Variants in RTP1 observed in about 807,000 individuals in gnomAD.
RTP1 encodes receptor transporter protein 1.
In RTP1, 24 loss-of-function variants were observed where a neutral mutation model predicts 27.1. The observed-to-expected ratio is 0.89, with a 90% CI of 0.64 to 1.25. RTP1 has a LOEUF of 1.25. RTP1 is among the 50% of genes most tolerant of loss of function. The pLI, the probability that RTP1 is intolerant of heterozygous loss-of-function variation, is 0.00. For synonymous variants in RTP1, 148 were observed against 148.1 expected, an observed-to-expected ratio of 1.00 and a Z score of 0.00; for missense variants, 338 against 351.6, an observed-to-expected ratio of 0.96 and a Z score of 0.31.
chr3:187,198,092 C>T (rs1579440656), intron 1 of RTP1: 1 of 285,482 alleles, frequency 3.5e-6, no homozygotes, highest in East Asian at 6.3e-5. Flanking sequence ...TACATATTTT[C>T]TATTTTAACA....
rs750301551 is a variant in RTP1 at position 187,199,914 on chromosome 3, G to A, written c.636G>A (p.Ala212=). The stretch of plus-strand genomic sequence containing the variant: ...GCGAGAAGCTGCTGGAGGAGGAGGC[G>A]ACCACCTACACCTTCTCCCGGGCGC... ...KPSEKLLEEE[A]TTYTFSRAPS... Residue 212 remains alanine (A), a synonymous_variant, in exon 2 of 2, where the codon GCG becomes GCA. Transcript: ENST00000312295. The A allele has an allele frequency of 2.4e-5, 39 of 1,592,560 alleles. No individual in the cohort carries two copies. The highest frequency in any genetic ancestry group is 1.2e-4 in the South Asian group (11 of 88,288).
Position 187,197,741 on chromosome 3 carries a change from C to T in RTP1, c.226C>T (p.Leu76=), listed in dbSNP as rs1721629008. The T allele has an allele frequency of 6.2e-7, 1 of 1,614,174 alleles. No homozygotes were observed. Among genetic ancestry groups the T allele is most frequent in the Admixed American group, 1.7e-5 (1 of 60,028 alleles). Residue 76 remains leucine, a synonymous_variant, in exon 1 of 2, where the codon CTG becomes TTG. Transcript: ENST00000312295. ...IIDPNLKHNV[L]SPGWKQYLEL... ...AGACCCCAACCTCAAGCACAATGTG[C>T]TGAGCCCTGGTTGGAAGCAGTACCT...
At chr3:187,198,369 C>T (rs1721640754) in intron 1 of RTP1, among the ~76,000 whole-genome samples, 1 of 152,228 alleles carries the variant, frequency 6.6e-6, no homozygotes, top group Non-Finnish European at 1.5e-5. Flanking sequence ...GCAGGATCGG[C>T]ATCACCTGGA....
intron 1 of RTP1, 24 bp from the exon 2 acceptor site, chr3:187,199,527 C>T: frequency 6.4e-7 from 1 of 1,561,952 alleles, no homozygotes. Flanking sequence ...TCTTCTATTC[C>T]TCCCTCTCCT....
chr3:187,200,045 A>C lies in RTP1; in HGVS notation c.767A>C (p.Gln256Pro), dbSNP rs1442460041. The change falls in exon 2 of 2, where the codon CAG (glutamine) becomes CCG (proline). Residue 256 changes from glutamine (Q) to proline (P), a missense_variant. Physicochemically the swap from Gln to Pro is moderately conservative, Grantham distance 76. Transcript: ENST00000312295. ...GTCCTGCTGCTGATCATCTACCTGC[A>C]GTTCTCTTTCCGTAGCTCCGTATAA... ...ATVLLLIIYL[Q>P]FSFRSSV is the part of the protein sequence containing the mutation. 4 of 1,515,912 alleles carry C rather than the reference A, an allele frequency of 2.6e-6. No individual in the cohort carries two copies. In the East Asian group the frequency reaches 9.1e-5, roughly 35 times the overall value. The allele number at this position is 1,515,912 out of a possible 1,614,324, so 93.9% of individuals were successfully genotyped here.
In RTP1 at chr3:187,200,425, A is replaced by G. The variant is rs11714564; in HGVS notation, c.*355A>G. On this transcript the variant is annotated 3_prime_UTR_variant, in exon 2 of 2. Coordinates refer to ENST00000312295, the MANE Select transcript of RTP1 (RefSeq NM_153708.3). ...CGATCAGAACAGCTTTACTTTAGAT[A>G]GGGTTCCATTTAAGATTTTTGTACC... The G allele has an allele frequency of 0.16, 27,113 of 164,350 alleles. 2,508 individuals carry two copies. The highest frequency in any genetic ancestry group is 0.22 in the African/African-American group (8,811 of 40,242). 10.2% of individuals were successfully genotyped at this position (164,350 alleles called of 1,614,324 possible).
chr3:187,197,565 C>T lies in RTP1; in HGVS notation c.50C>T (p.Pro17Leu). Reference protein sequence around the residue: ...WRLRCPALHLPSLSVFSLRWK... With the variant: ...WRLRCPALHLLSLSVFSLRWK... ...CTGCGCTGCCCTGCCCTGCACCTAC[C>T]CTCACTCTCCGTGTTCTCACTAAGG... The change falls in exon 1 of 2, where the codon CCC becomes CTC. Residue 17 changes from proline to leucine, a missense_variant. Coordinates refer to ENST00000312295, the MANE Select transcript of RTP1 (RefSeq NM_153708.3). The T allele has an allele frequency of 6.2e-7, 1 of 1,614,148 alleles. No individual in the cohort carries two copies. The highest frequency in any genetic ancestry group is 8.5e-7 in the Non-Finnish European group (1 of 1,180,012).
In RTP1 at chr3:187,197,576, G is replaced by A. The variant is rs945229753; in HGVS notation, c.61G>A (p.Val21Met). The change falls in exon 1 of 2, where the codon GTG becomes ATG. Residue 21 changes from valine (V) to methionine (M), a missense_variant. By Grantham distance (21) the Val-to-Met change is conservative. Coordinates refer to ENST00000312295, the MANE Select transcript of RTP1 (RefSeq NM_153708.3). Reference protein sequence around the residue: ...CPALHLPSLSVFSLRWKLPSL... With the variant: ...CPALHLPSLSMFSLRWKLPSL... ...TGCCCTGCACCTACCCTCACTCTCC[G>A]TGTTCTCACTAAGGTGGAAATTGCC... is the stretch of plus-strand genomic sequence containing the variant. The A allele has an allele frequency of 4.3e-6, 7 of 1,614,036 alleles. No homozygotes were observed. The highest frequency in any genetic ancestry group is 2.2e-5 in the East Asian group (1 of 44,894).
chr3:187,197,805 G>T lies in RTP1; in HGVS notation c.272+18G>T. Reference sequence around the variant, plus strand: ...TCAGGCAGGTGAGTAGCCCAGGAAGGTGGATCCCTGCAGGCCGCCTCTAGG... The same window carrying T: ...TCAGGCAGGTGAGTAGCCCAGGAAGTTGGATCCCTGCAGGCCGCCTCTAGG... On this transcript the variant is annotated intron_variant, in intron 1 of 1. Coordinates refer to ENST00000312295, the MANE Select transcript of RTP1 (RefSeq NM_153708.3). 6.2e-7 allele frequency: 1 copy of T among 1,605,986 alleles called. No individual in the cohort carries two copies. The highest frequency in any genetic ancestry group is 1.1e-5 in the South Asian group (1 of 90,674).
In RTP1 at chr3:187,197,649, A is replaced by G. The variant is rs1017742395; in HGVS notation, c.134A>G (p.Glu45Gly). 2 of 1,614,164 alleles carry G rather than the reference A, an allele frequency of 1.2e-6. No individual in the cohort carries two copies. The highest frequency in any genetic ancestry group is 1.7e-6 in the Non-Finnish European group (2 of 1,180,042). Residue 45 changes from glutamate to glycine, a missense_variant, in exon 1 of 2, where the codon GAG (glutamate) becomes GGG (glycine). This residue lies in a region of RTP1 where 64 missense variants were observed against 74.5 expected (regional missense o/e 0.86). Transcript: ENST00000312295. ...ATGTGTAAAAGCGTGACCACAGATG[A>G]GTGGAAGAAAGTCTTCTATGAGAAG... The part of the protein sequence containing the change: ...ETMCKSVTTD[E>G]WKKVFYEKME...
chr3:187,199,401 TG>T, intron 1 of RTP1, 149 bp from the exon 2 acceptor site: 1 of 797,154 alleles, frequency 1.3e-6, no homozygotes, highest in Non-Finnish European at 2.0e-6. Flanking sequence ...AGTGGCTTCC[TG>T]GGGAAAGCTA....
intron 1 of RTP1, among the ~76,000 whole-genome samples, chr3:187,198,345 T>C (rs1323730203): frequency 6.6e-6 from 1 of 152,238 alleles, no homozygotes; most frequent in East Asian, 1.9e-4. Context: ...GGTTAGCCTG[T>C]GGTCCACAGA....
intron 1 of RTP1, 108 bp from the exon 2 acceptor site, chr3:187,199,443 T>C: frequency 7.8e-7 from 1 of 1,289,490 alleles, no homozygotes; most frequent in Admixed American, 2.3e-5. Flanking sequence ...ACACACTTCC[T>C]CCACCTCCAG....
chr3:187,199,286 G>A, intron 1 of RTP1: 3 of 461,492 alleles, frequency 6.5e-6, no homozygotes, highest in Non-Finnish European at 1.2e-5. Context: ...ATGCTGGGGT[G>A]GTGGGAGTTA....
At chr3:187,198,935 G>C (rs968665650) in intron 1 of RTP1, among the ~76,000 whole-genome samples, 5 of 152,166 alleles carry the variant, frequency 3.3e-5, no homozygotes, top group Admixed American at 1.3e-4. Flanking sequence ...GGAAGGCTGT[G>C]GGGGCTGAGT....
rs1218331492 is a variant in RTP1, at chr3:187,199,725, C to A, written c.447C>A (p.Asn149Lys). ...ACGAGTCCAGCATGCTGGAGGAGAA[C>A]ATCGAGGGCCTGGTGGACAACCTCA... ...RLDESSMLEE[N>K]IEGLVDNLIT... is the part of the protein sequence containing the mutation. The change falls in exon 2 of 2, where the codon AAC (asparagine) becomes AAA (lysine). Residue 149 changes from asparagine to lysine, a missense_variant. Physicochemically the swap from Asn to Lys is moderately conservative, Grantham distance 94. This residue lies in a region of RTP1 where 252 missense variants were observed against 231.5 expected (regional missense o/e 1.09). Coordinates refer to ENST00000312295, the MANE Select transcript of RTP1 (RefSeq NM_153708.3). 8.1e-6 allele frequency: 13 copies of A among 1,612,926 alleles called. No individual in the cohort carries two copies. Among genetic ancestry groups the A allele is most frequent in the Middle Eastern group, 1.6e-4 (1 of 6,082 alleles).
intron 1 of RTP1, chr3:187,198,554 G>C (rs985197854): frequency 1.3e-5 from 2 of 152,186 alleles, no homozygotes; most frequent in African/African-American, 4.8e-5. Flanking sequence ...GGGAGGCTGA[G>C]TGGTGCAGCC....
chr3:187,199,866 G>A lies in RTP1; in HGVS notation c.588G>A (p.Glu196=), dbSNP rs1346421059. 6.3e-7 allele frequency: 1 copy of A among 1,598,638 alleles called. No individual in the cohort carries two copies. Among genetic ancestry groups the A allele is most frequent in the East Asian group, 2.3e-5 (1 of 44,424 alleles). ...GAGAGTTCTGCGAGGCCTGCCAGGA[G>A]GGCATCGTGCACTGGAAGCCCAGCG... is the stretch of plus-strand genomic sequence containing the variant. ...HRGEFCEACQ[E]GIVHWKPSEK... Residue 196 remains glutamate, a synonymous_variant, in exon 2 of 2, where the codon GAG becomes GAA. Coordinates refer to ENST00000312295, the MANE Select transcript of RTP1 (RefSeq NM_153708.3).
intron 1 of RTP1, chr3:187,198,507 T>C (rs981522826): frequency 2.6e-5 from 4 of 152,238 alleles, no homozygotes; most frequent in Non-Finnish European, 4.4e-5. Flanking sequence ...TGTTCATGGG[T>C]CCAGAGTGTA....
Sources: gnomAD v4.1 joint callset for allele counts (sites outside exome capture counted in the v4.1 genomes callset) on GRCh38, gnomAD v4.1.1 for gene constraint, gnomAD v4.1.1 regional missense constraint, MANE v1.5 for transcripts, NCBI Gene and HGNC (gene_info 2026-07-23, HGNC 2026-07-21) for gene names.